Variants in MICAL3 observed in about 807,000 individuals in gnomAD.
The protein encoded by MICAL3 is microtubule associated monooxygenase, calponin and LIM domain containing 3, also known as [F-actin]-monooxygenase MICAL3.
Under a neutral mutation model 207.4 loss-of-function variants are expected in MICAL3, and 62 were observed. The ratio of observed to expected loss-of-function variants is 0.30; its 90% CI spans 0.24 to 0.37. The LOEUF (loss-of-function observed/expected upper bound fraction) is 0.37. MICAL3 is among the 10% of genes least tolerant of loss of function. MICAL3 has a pLI of 1.00. For missense variants in MICAL3, 2,368 were observed against 2,635.6 expected (o/e 0.90, Z 2.22); for synonymous variants, 1,077 against 1,069.3 (o/e 1.01, Z -0.14).
In MICAL3 at chr22:17,885,972, A is replaced by G; in HGVS notation, c.2147T>C (p.Val716Ala). ...TLTDRRMDVA[V>A]GNQNKVKYMA... ...GTACTTCACTTTGTTCTGGTTCCCAACGGCAACGTCCATCCTCCTGTCTGT... is the reference window on the plus strand; with the variant it reads ...GTACTTCACTTTGTTCTGGTTCCCAGCGGCAACGTCCATCCTCCTGTCTGT... The change falls in exon 16 of 32, where the codon GTT becomes GCT. Residue 716 changes from valine (V) to alanine (A), a missense_variant. By Grantham distance (64) the Val-to-Ala change is moderately conservative. This residue lies in a region of MICAL3 where 1,770 missense variants were observed against 1,863.2 expected (regional missense o/e 0.95). Transcript: ENST00000441493. The G allele has an allele frequency of 1.2e-6, 2 of 1,614,010 alleles. No individual in the cohort carries two copies. The highest frequency in any genetic ancestry group is 1.7e-6 in the Non-Finnish European group (2 of 1,179,882).
intron 16 of MICAL3, chr22:17,872,748 A>G: frequency 6.2e-7 from 1 of 1,601,898 alleles, no homozygotes. Flanking sequence ...GTCTCTTACC[A>G]GTTCCTTCTT....
intron 19 of MICAL3, among the ~76,000 whole-genome samples, chr22:17,848,429 G>A (rs1398403937): frequency 6.6e-6 from 1 of 152,238 alleles, no homozygotes; most frequent in Admixed American, 6.5e-5. Flanking sequence ...GTCTGGCCCA[G>A]ACATTTTCCA....
chr22:17,941,681 TG>T (rs1933813313), intron 1 of MICAL3, among the ~76,000 whole-genome samples: 1 of 152,152 alleles, frequency 6.6e-6, no homozygotes, highest in Non-Finnish European at 1.5e-5. Flanking sequence ...AGAAGAAAAA[TG>T]TATTTTTACT....
chr22:17,945,811 G>A (rs536519505), intron 1 of MICAL3, among the ~76,000 whole-genome samples: 1 of 152,120 alleles, frequency 6.6e-6, no homozygotes, highest in Non-Finnish European at 1.5e-5. Context: ...GGAGAGAAGA[G>A]GCTGTATTTA....
intron 1 of MICAL3, among the ~76,000 whole-genome samples, chr22:17,929,342 A>G (rs1431615117): frequency 6.7e-6 from 1 of 150,028 alleles, no homozygotes; most frequent in Non-Finnish European, 1.5e-5. Flanking sequence ...GCTTCAAGCA[A>G]TCCTCCTGTC....
At chr22:17,863,391 A>G in intron 19 of MICAL3, 2 of 985,412 alleles carry the variant, frequency 2.0e-6, no homozygotes, top group Non-Finnish European at 2.4e-6. Flanking sequence ...TACATTCTAT[A>G]GCATAAAGCC....
chr22:17,876,477 C>G (rs1867353), intron 16 of MICAL3: 75,864 of 152,178 alleles, frequency 0.5, 20,584 homozygotes, highest in African/African-American at 0.72. Context: ...TACTTCAACA[C>G]CCTCTGCTTG....
chr22:17,849,116 C>T (rs568941845), intron 19 of MICAL3, among the ~76,000 whole-genome samples: 2 of 152,288 alleles, frequency 1.3e-5, no homozygotes, highest in South Asian at 2.1e-4. Context: ...GTGAAGCAGG[C>T]GATGAGGGAT....
chr22:17,997,611 C>A (rs919628029), intron 1 of MICAL3, among the ~76,000 whole-genome samples: 2 of 152,120 alleles, frequency 1.3e-5, no homozygotes, highest in Non-Finnish European at 2.9e-5. Flanking sequence ...ATCCCTAAGG[C>A]CCGTTAGCAC....
rs199617664 is a variant in MICAL3, at chr22:17,841,805, C to T, written c.2801+17G>A. ...GGCCGTGTGGCGGGTGGGCGCCCTG[C>T]AGCCCTGCGTGCTGACCTGCTGGCG... On this transcript the variant is annotated intron_variant, in intron 20 of 31. Transcript: ENST00000441493. The surrounding 1 kb of genome is among the most constrained non-coding windows in gnomAD (Gnocchi z 4.2). The T allele has an allele frequency of 3.8e-4, 592 of 1,541,590 alleles. 1 individual carries two copies. In the African/African-American group the frequency reaches 7.0e-3, roughly 18 times the overall value.
At chr22:17,989,473 C>T (rs1006307119) in intron 1 of MICAL3, among the ~76,000 whole-genome samples, 3 of 152,222 alleles carry the variant, frequency 2.0e-5, no homozygotes, top group Non-Finnish European at 2.9e-5. Flanking sequence ...CCAGACAGAA[C>T]CCGGTACAGC....
chr22:17,895,491 C>A (rs962858745), intron 9 of MICAL3, 81 bp from the exon 10 acceptor site: 10 of 1,508,280 alleles, frequency 6.6e-6, no homozygotes, highest in Non-Finnish European at 9.1e-6. Context: ...GTTCTGACAG[C>A]GCAGCAAGTC....
At chr22:17,805,271 C>T (rs544017179) in intron 29 of MICAL3, among the ~76,000 whole-genome samples, 9 of 152,310 alleles carry the variant, frequency 5.9e-5, no homozygotes, top group East Asian at 3.9e-4. Flanking sequence ...AGGAACGGGA[C>T]GCAGAAGCAG....
At chr22:17,879,699 A>G (rs1602133999) in intron 16 of MICAL3, among the ~76,000 whole-genome samples, 1 of 152,358 alleles carries the variant, frequency 6.6e-6, no homozygotes, top group East Asian at 1.9e-4. Flanking sequence ...ACACAGTGGC[A>G]TAAGATCAGA....
intron 19 of MICAL3, among the ~76,000 whole-genome samples, chr22:17,859,643 G>C (rs1189913118): frequency 6.6e-6 from 1 of 152,254 alleles, no homozygotes; most frequent in Non-Finnish European, 1.5e-5. Context: ...GAAAGAGCAA[G>C]AACTTTCAAC....
chr22:17,841,930 A>G lies in MICAL3; in HGVS notation c.2693T>C (p.Leu898Pro), dbSNP rs1428084092. Residue 898 changes from leucine (L) to proline (P), a missense_variant, in exon 20 of 32, where the codon CTG becomes CCG. By Grantham distance (98) the Leu-to-Pro change is moderately conservative. Transcript: ENST00000441493. The surrounding 1 kb of genome is among the most constrained non-coding windows in gnomAD (Gnocchi z 4.2). ...CAGTGCCTCAGCCTGCCTCAGGGACAGGCGGTAGTTCTCCAGCTCGATCCG... is the reference window on the plus strand; with the variant it reads ...CAGTGCCTCAGCCTGCCTCAGGGACGGGCGGTAGTTCTCCAGCTCGATCCG... Reference protein sequence around the residue: ...PERIELENYRLSLRQAEALQE... With the variant: ...PERIELENYRPSLRQAEALQE... 2 of 1,602,480 alleles carry G rather than the reference A, an allele frequency of 1.2e-6. No homozygotes were observed. Among genetic ancestry groups the G allele is most frequent in the Non-Finnish European group, 1.7e-6 (2 of 1,176,146 alleles).
chr22:17,834,704 G>C (rs1219189181), intron 20 of MICAL3, among the ~76,000 whole-genome samples: 2 of 152,314 alleles, frequency 1.3e-5, no homozygotes, highest in African/African-American at 2.4e-5. Flanking sequence ...GCAAACCTAA[G>C]AATCTGGGCC....
chr22:17,883,480 G>A (rs1308898684), intron 16 of MICAL3, among the ~76,000 whole-genome samples: 1 of 152,194 alleles, frequency 6.6e-6, no homozygotes. Flanking sequence ...AGGCACTGAC[G>A]GCATCCAGGG....
intron 1 of MICAL3, among the ~76,000 whole-genome samples, chr22:18,010,542 G>A (rs937406386): frequency 6.6e-6 from 1 of 152,202 alleles, no homozygotes; most frequent in African/African-American, 2.4e-5. Context: ...ACGTTCTATA[G>A]AGGAGGGGGT....
Sources: gnomAD v4.1 joint callset for allele counts (sites outside exome capture counted in the v4.1 genomes callset) on GRCh38, gnomAD v4.1.1 for gene constraint, gnomAD v4.1.1 regional missense constraint, Gnocchi (gnomAD v3.1) non-coding constraint, MANE v1.5 for transcripts, NCBI Gene and HGNC (gene_info 2026-07-23, HGNC 2026-07-21) for gene names.